Variants in PCNX2 observed in about 807,000 individuals in gnomAD.
PCNX2 encodes pecanex 2, also known as pecanex-like protein 2.
A neutral mutation model predicts 223.8 loss-of-function variants in PCNX2; 168 were observed. The observed-to-expected ratio is 0.75, with a 90% CI of 0.66 to 0.85. The LOEUF (loss-of-function observed/expected upper bound fraction) is 0.85. PCNX2 is among the 40% of genes least tolerant of loss of function. PCNX2 has a pLI of 0.00. For synonymous variants in PCNX2, 1,006 were observed against 1,052.6 expected (o/e 0.96, Z 0.86); for missense variants, 2,507 against 2,675.5 (o/e 0.94, Z 1.39).
At chr1:233,013,200 G>A (rs978047126) in intron 28 of PCNX2, among the ~76,000 whole-genome samples, 1 of 152,218 alleles carries the variant, frequency 6.6e-6, no homozygotes, top group Non-Finnish European at 1.5e-5. Context: ...AAGGGTCAGA[G>A]TTTTGGTATT....
chr1:233,209,918 A>C (rs1198316218), intron 12 of PCNX2, among the ~76,000 whole-genome samples: 1 of 152,270 alleles, frequency 6.6e-6, no homozygotes, highest in Admixed American at 6.5e-5. Context: ...ACGATGCAGT[A>C]TACAAATACA....
At chr1:232,993,880 C>G (rs1669789429) in intron 32 of PCNX2, among the ~76,000 whole-genome samples, 1 of 152,212 alleles carries the variant, frequency 6.6e-6, no homozygotes, top group African/African-American at 2.4e-5. Context: ...AAACTCCAAG[C>G]CTTTGCTGCT....
chr1:232,984,638 A>C, intron 33 of PCNX2, 161 bp from the exon 34 acceptor site: 1 of 720,942 alleles, frequency 1.4e-6, no homozygotes, highest in East Asian at 3.0e-5. Flanking sequence ...GGGCCAGCAC[A>C]GTGGCCTCTG....
rs886358831 is a variant in PCNX2, at chr1:233,139,996, A to AT, written c.3518-142dup. 2.0e-5 allele frequency: 21 copies of AT among 1,033,250 alleles called. No homozygotes were observed. The highest frequency in any genetic ancestry group is 9.3e-5 in the South Asian group (5 of 53,962). The allele number at this position is 1,033,250 out of a possible 1,614,324, so 64.0% of individuals were successfully genotyped here. A position where few individuals can be genotyped will look rare whatever the true frequency, so the allele number is the denominator to read the frequency against. Reference sequence around the variant, plus strand: ...CTCGTGATACTAGACATGATATACCATTTTTTTCCAGGCAGCAACTGTTAG... The same window carrying AT: ...CTCGTGATACTAGACATGATATACCATTTTTTTTCCAGGCAGCAACTGTTAG... On this transcript the variant is annotated intron_variant, in intron 19 of 33. Transcript: ENST00000258229. This position sits in a 1 kb window ranked among gnomAD's most constrained non-coding sequence, Gnocchi z 4.4.
chr1:233,235,048 G>A (rs190651593), intron 9 of PCNX2, among the ~76,000 whole-genome samples: 32 of 152,072 alleles, frequency 2.1e-4, no homozygotes, highest in East Asian at 5.8e-4. Context: ...CAGTACACCC[G>A]GTGACTGGAC....
chr1:233,183,739 A>G (rs1356524222), intron 15 of PCNX2, among the ~76,000 whole-genome samples: 1 of 152,224 alleles, frequency 6.6e-6, no homozygotes, highest in Non-Finnish European at 1.5e-5. Context: ...CACATGGATA[A>G]CTGCAGTCAA....
At chr1:233,309,543 A>AAAAAT in the PCNX2 span, among the ~76,000 whole-genome samples, 1 of 146,640 alleles carries the variant, frequency 6.8e-6, no homozygotes, top group African/African-American at 2.5e-5. Context: ...TCCCTCAAAA[A>AAAAAT]AATAATAATA....
At chr1:233,168,470 T>G (rs1678933683) in intron 17 of PCNX2, among the ~76,000 whole-genome samples, 1 of 152,082 alleles carries the variant, frequency 6.6e-6, no homozygotes, top group South Asian at 2.1e-4. Flanking sequence ...ATATATATAA[T>G]TGTATAGGCT....
intron 28 of PCNX2, among the ~76,000 whole-genome samples, chr1:233,005,844 A>T (rs1026255330): frequency 1.3e-5 from 2 of 152,204 alleles, no homozygotes; most frequent in African/African-American, 4.8e-5. Context: ...CAACAGCTGG[A>T]GCTGGGCTTT....
chr1:233,288,801 G>GA, intron 1 of PCNX2: 3 of 678,108 alleles, frequency 4.4e-6, no homozygotes, highest in Non-Finnish European at 7.0e-6. Flanking sequence ...CAGGAAAGAT[G>GA]CCCTTTTTTT....
intron 31 of PCNX2, 105 bp from the exon 32 acceptor site, chr1:232,998,543 C>T: frequency 1.6e-6 from 2 of 1,252,594 alleles, no homozygotes; most frequent in South Asian, 1.4e-5. Context: ...AGCGTGCTCT[C>T]CAGGTGAGTA....
chr1:233,285,724 T>C (rs1661416088), intron 1 of PCNX2, among the ~76,000 whole-genome samples: 1 of 152,134 alleles, frequency 6.6e-6, no homozygotes, highest in Non-Finnish European at 1.5e-5. Flanking sequence ...GCCAAACACA[T>C]GTTTAGGTTG....
chr1:233,273,630 A>AT (rs386369983), intron 1 of PCNX2, among the ~76,000 whole-genome samples: 26,084 of 146,266 alleles, frequency 0.18, 2,995 homozygotes, highest in African/African-American at 0.33. Flanking sequence ...CTCTTTTGGC[A>AT]TTTTTTTTTT....
intron 8 of PCNX2, among the ~76,000 whole-genome samples, chr1:233,242,452 G>A (rs1452377264): frequency 2.0e-5 from 3 of 152,134 alleles, no homozygotes; most frequent in African/African-American, 7.2e-5. Context: ...TAAATATCAT[G>A]TCTTTCCAAT....
intron 20 of PCNX2, among the ~76,000 whole-genome samples, chr1:233,135,804 G>T (rs1165345247): frequency 6.6e-6 from 1 of 152,080 alleles, no homozygotes; most frequent in Non-Finnish European, 1.5e-5. Context: ...TGAACATAAG[G>T]TTTCTGCTCT....
At chr1:232,984,546 A>G in intron 33 of PCNX2, 69 bp from the exon 34 acceptor site, 1 of 1,521,582 alleles carries the variant, frequency 6.6e-7, no homozygotes, top group Non-Finnish European at 8.9e-7. Flanking sequence ...AACTGGCATC[A>G]CCCCCATCCG....
At chr1:233,187,042 G>A (rs1414478116) in intron 15 of PCNX2, among the ~76,000 whole-genome samples, 1 of 152,190 alleles carries the variant, frequency 6.6e-6, no homozygotes, top group Non-Finnish European at 1.5e-5. Context: ...GACATAAAAA[G>A]CAGCATATAT....
At chr1:232,996,574 T>A (rs975119240) in intron 32 of PCNX2, among the ~76,000 whole-genome samples, 17 of 152,078 alleles carry the variant, frequency 1.1e-4, no homozygotes, top group Admixed American at 9.8e-4. Flanking sequence ...TACCACCTAT[T>A]TTGTCTATTT....
At chr1:233,057,917 C>G (rs1211438334) in intron 23 of PCNX2, 1 of 985,024 alleles carries the variant, frequency 1.0e-6, no homozygotes, top group Non-Finnish European at 1.2e-6. Flanking sequence ...AACTTGAGAA[C>G]AGTGTCCACA....
Sources: gnomAD v4.1 joint callset for allele counts (sites outside exome capture counted in the v4.1 genomes callset) on GRCh38, gnomAD v4.1.1 for gene constraint, Gnocchi (gnomAD v3.1) non-coding constraint, MANE v1.5 for transcripts, NCBI Gene and HGNC (gene_info 2026-07-23, HGNC 2026-07-21) for gene names.